The following GMCL1 variants were observed in gnomAD, a reference collection of about 807,000 sequenced individuals.
GMCL1 encodes the protein germ cell-less protein-like 1.
A neutral mutation model predicts 75.5 loss-of-function variants in GMCL1; 54 were observed. The ratio of observed to expected loss-of-function variants is 0.71; its 90% confidence interval spans 0.57 to 0.90. The LOEUF is 0.90. GMCL1 is among the 40% of genes least tolerant of loss of function. The pLI is 0.00. For missense variants in GMCL1, 537 were observed against 622.7 expected (o/e 0.86, Z 1.47); for synonymous variants, 210 against 209.6 (o/e 1.00, Z -0.02).
intron 1 of GMCL1, among the ~76,000 whole-genome samples, chr2:69,831,385 C>T (rs919331893): frequency 9.2e-5 from 14 of 152,154 alleles, no homozygotes; most frequent in Admixed American, 2.0e-4. Flanking sequence ...TGTACCCCTA[C>T]TGTGAATACT....
Position 69,830,246 on chromosome 2 carries a change from C to A in GMCL1, c.260+94C>A, listed in dbSNP as rs1342546502. 6.3e-6 allele frequency: 9 copies of A among 1,436,896 alleles called. No homozygotes were observed. The South Asian group carries it at 1.1e-4, about 17-fold the overall frequency. The allele number at this position is 1,436,896 out of a possible 1,614,324, so 89.0% of individuals were successfully genotyped here. ...TCGTGCGCTTGCGGGGTGCAGCGCTCCCCAGCCTATGGAGAGGGGACGTGC... is the reference window on the plus strand; with the variant it reads ...TCGTGCGCTTGCGGGGTGCAGCGCTACCCAGCCTATGGAGAGGGGACGTGC... On this transcript the variant is annotated intron_variant, in intron 1 of 13. Coordinates refer to ENST00000282570, the MANE Select transcript of GMCL1 (RefSeq NM_178439.5).
At chr2:69,848,807 T>C (rs1675226914) in intron 7 of GMCL1, among the ~76,000 whole-genome samples, 4 of 152,252 alleles carry the variant, frequency 2.6e-5, no homozygotes, top group Admixed American at 2.6e-4. Flanking sequence ...CATATTATCA[T>C]GCTCATTTTA....
rs920397195 is a variant in GMCL1, at chr2:69,871,318, A to G, written c.1365-427A>G. Among the ~76,000 whole-genome samples the G allele has an allele frequency of 2.6e-5, 4 of 152,334 alleles. No homozygotes were observed. In the South Asian group the frequency reaches 8.3e-4, roughly 32 times the overall value. On this transcript the variant is annotated intron_variant, in intron 12 of 13. Coordinates refer to ENST00000282570, the MANE Select transcript of GMCL1 (RefSeq NM_178439.5). Reference sequence around the variant, plus strand: ...CTCATACGAAGTACCTAGAGTAGACAAATTCATAGGTACAGAGGATACACT... The same window carrying G: ...CTCATACGAAGTACCTAGAGTAGACGAATTCATAGGTACAGAGGATACACT...
chr2:69,830,564 C>T (rs780183149), intron 1 of GMCL1, among the ~76,000 whole-genome samples: 8 of 152,182 alleles, frequency 5.3e-5, no homozygotes, highest in Admixed American at 1.3e-4. Context: ...CTGAAATAGG[C>T]ACTCTTATTG....
rs749891403 is a variant in GMCL1, at chr2:69,861,321, G to T, written c.1116G>T (p.Leu372=). The part of the protein sequence containing the change: ...SVYKQQWFAM[L]RAEQDSEVGP... ...ATAAACAGCAGTGGTTTGCTATGCTGCGGGCAGAACAGGACAGTGAGGTGG... is the reference window on the plus strand; with the variant it reads ...ATAAACAGCAGTGGTTTGCTATGCTTCGGGCAGAACAGGACAGTGAGGTGG... Residue 372 remains leucine, a synonymous_variant, in exon 10 of 14, where the codon CTG becomes CTT. Transcript: ENST00000282570. 3 of 1,610,428 alleles carry T rather than the reference G, an allele frequency of 1.9e-6. No individual in the cohort carries two copies. In the South Asian group the frequency reaches 3.3e-5, roughly 18 times the overall value.
chr2:69,830,949 T>C (rs2103936243), intron 1 of GMCL1, among the ~76,000 whole-genome samples: 1 of 152,324 alleles, frequency 6.6e-6, no homozygotes, highest in South Asian at 2.1e-4. Flanking sequence ...AGACAGAGCC[T>C]TGCTCTGTCA....
chr2:69,836,857 A>T (rs116220331), intron 1 of GMCL1, among the ~76,000 whole-genome samples: 280 of 152,274 alleles, frequency 1.8e-3, no homozygotes, highest in African/African-American at 6.2e-3. Flanking sequence ...GTTAGATGGG[A>T]TGCTCACAGT....
At chr2:69,839,085 T>C (rs1478970470) in intron 2 of GMCL1, among the ~76,000 whole-genome samples, 2 of 152,120 alleles carry the variant, frequency 1.3e-5, no homozygotes, top group African/African-American at 4.8e-5. Flanking sequence ...GCGATCATCC[T>C]GTTTTTGCTG....
intron 8 of GMCL1, among the ~76,000 whole-genome samples, chr2:69,850,900 C>G (rs1675300160): frequency 6.6e-6 from 1 of 152,138 alleles, no homozygotes. Context: ...GGAACTATGT[C>G]ACATTGTGGC....
At chr2:69,858,368 C>A (rs534242837) in intron 9 of GMCL1, among the ~76,000 whole-genome samples, 1 of 152,112 alleles carries the variant, frequency 6.6e-6, no homozygotes, top group Non-Finnish European at 1.5e-5. Flanking sequence ...AAAATAAGTG[C>A]GGAAACATAT....
intron 9 of GMCL1, among the ~76,000 whole-genome samples, chr2:69,860,000 G>T (rs1675595970): frequency 6.6e-6 from 1 of 152,018 alleles, no homozygotes; most frequent in South Asian, 2.1e-4. Flanking sequence ...AATTCTATTT[G>T]TATTTATTTA....
chr2:69,861,454 T>G, intron 10 of GMCL1, 107 bp downstream of exon 10: 1 of 629,462 alleles, frequency 1.6e-6, no homozygotes, highest in Non-Finnish European at 2.7e-6. Flanking sequence ...ACTCAAGCTG[T>G]TGAAGTAAAG....
chr2:69,834,073 C>T (rs1234359356), intron 1 of GMCL1, among the ~76,000 whole-genome samples: 1 of 152,134 alleles, frequency 6.6e-6, no homozygotes, highest in Non-Finnish European at 1.5e-5. Flanking sequence ...TAAAGTCAGG[C>T]CCTGCTTTTG....
intron 11 of GMCL1, among the ~76,000 whole-genome samples, chr2:69,868,207 C>T (rs1675876317): frequency 6.6e-6 from 1 of 151,454 alleles, no homozygotes; most frequent in African/African-American, 2.4e-5. Flanking sequence ...AGAGTTCAGC[C>T]TGGGCAATAT....
chr2:69,864,854 A>T, intron 10 of GMCL1, 46 bp from the exon 11 acceptor site: 1 of 1,201,508 alleles, frequency 8.3e-7, no homozygotes, highest in Non-Finnish European at 1.2e-6. Flanking sequence ...TTTAATTATT[A>T]GTTGCATATT....
intron 9 of GMCL1, among the ~76,000 whole-genome samples, chr2:69,856,257 A>C (rs1411554255): frequency 6.6e-6 from 1 of 152,196 alleles, no homozygotes; most frequent in Non-Finnish European, 1.5e-5. Flanking sequence ...TCAACCTAAA[A>C]CTTGATCATT....
intron 1 of GMCL1, among the ~76,000 whole-genome samples, chr2:69,833,416 A>G (rs2103941650): frequency 6.6e-6 from 1 of 152,176 alleles, no homozygotes; most frequent in Admixed American, 6.5e-5. Flanking sequence ...GGAGTTTGAG[A>G]CCAGCCTGAC....
intron 1 of GMCL1, among the ~76,000 whole-genome samples, chr2:69,830,763 CTTT>C (rs201320282): frequency 3.6e-5 from 5 of 138,034 alleles, no homozygotes; most frequent in African/African-American, 5.3e-5. Flanking sequence ...TGTTTAACCC[CTTT>C]TTTTTTTTTT....
At chr2:69,856,287 C>T (rs774565023) in intron 9 of GMCL1, among the ~76,000 whole-genome samples, 1 of 152,156 alleles carries the variant, frequency 6.6e-6, no homozygotes, top group Non-Finnish European at 1.5e-5. Context: ...TAGTGCCAAA[C>T]ATGTGTTAAC....
Sources: allele counts gnomAD v4.1 joint callset (sites outside exome capture counted in the v4.1 genomes callset), GRCh38; gene constraint gnomAD v4.1.1; transcripts MANE v1.5; gene names NCBI Gene and HGNC (gene_info 2026-07-23, HGNC 2026-07-21).